Variants in EMC4 observed in about 807,000 individuals in gnomAD.
EMC4 encodes cell proliferation-inducing gene 17 protein.
A neutral mutation model predicts 24.2 loss-of-function variants in EMC4; 9 were observed. The ratio of observed to expected loss-of-function variants is 0.37; its 90% CI spans 0.22 to 0.65. The LOEUF (loss-of-function observed/expected upper bound fraction) is 0.65, where lower values mean the gene tolerates loss of function less well. Ranked by LOEUF, EMC4 falls within the 30% of genes least tolerant of loss-of-function variation. EMC4 has a pLI of 0.59. For missense variants in EMC4, 169 were observed against 234.6 expected (o/e 0.72, Z 1.83); for synonymous variants, 86 against 81.1 (o/e 1.06, Z -0.32).
intron 2 of EMC4, 43 bp from the exon 3 acceptor site, chr15:34,227,650 A>C (rs1335600553): frequency 6.3e-7 from 1 of 1,592,924 alleles, no homozygotes; most frequent in African/African-American, 1.3e-5. Context: ...ATGTGGGACT[A>C]AGGGTAGTGA....
chr15:34,228,658 T>A, intron 4 of EMC4, 69 bp downstream of exon 4: 1 of 1,189,978 alleles, frequency 8.4e-7, no homozygotes, highest in Non-Finnish European at 1.2e-6. Context: ...TACTTGATGG[T>A]AGGAAATTGG....
chr15:34,228,414 C>A lies in EMC4; in HGVS notation c.356-15C>A. ...AAGAGTTCTTTTGGTTTGACAACTT[C>A]TGTTACCGCAACAGCTTTCAAGATG... On this transcript the variant is annotated splice_polypyrimidine_tract_variant and intron_variant, in intron 3 of 4. Coordinates refer to ENST00000267750, the MANE Select transcript of EMC4 (RefSeq NM_016454.4). 6.2e-7 allele frequency: 1 copy of A among 1,611,672 alleles called. No individual in the cohort carries two copies. The highest frequency in any genetic ancestry group is 1.7e-4 in the Middle Eastern group (1 of 6,038).
At chr15:34,228,653 G>T (rs1422965086) in intron 4 of EMC4, 64 bp downstream of exon 4, 3 of 960,546 alleles carry the variant, frequency 3.1e-6, no homozygotes, top group Non-Finnish European at 4.5e-6. Context: ...TGACCTACTT[G>T]ATGGTAGGAA....
chr15:34,228,686 CTTTTTTTTT>C (rs71119951), intron 4 of EMC4, 97 bp downstream of exon 4: 37 of 300,946 alleles, frequency 1.2e-4, no homozygotes, highest in Non-Finnish European at 1.5e-4. Context: ...ATTTGAGTTT[CTTTTTTTTT>C]TTTTTTTTTT....
chr15:34,228,187 A>C (rs1890699686), intron 3 of EMC4: 1 of 511,912 alleles, frequency 2.0e-6, no homozygotes, highest in Admixed American at 3.4e-5. Context: ...CATCTCAAAA[A>C]AAAGGAAGAA....
rs188143342 is a variant in EMC4, at chr15:34,227,555, A to C, written c.202-138A>C. The C allele has an allele frequency of 2.0e-4, 163 of 816,884 alleles. No homozygotes were observed. In the Middle Eastern group the frequency reaches 3.8e-3, roughly 19 times the overall value. 50.6% of individuals were successfully genotyped at this position (816,884 alleles called of 1,614,324 possible). On this transcript the variant is annotated intron_variant, in intron 2 of 4. Transcript: ENST00000267750. ...CCTGTGGCAACGTGGAGAAGGGAAG[A>C]GGTCGTAGAATTGAGGAGTCAGCTC...
At position 34,227,705 on chromosome 15, in the gene EMC4, A is replaced by C; in HGVS notation, c.214A>C (p.Ile72Leu). ...RILVEKRCWDIALGPLKQIPM... is the reference protein window; with the variant it reads ...RILVEKRCWDLALGPLKQIPM... ...TGTTTTGTTTTAGCGCTGCTGGGAC[A>C]TCGCCTTGGGTCCCCTCAAACAGAT... is the stretch of plus-strand genomic sequence containing the variant. The change falls in exon 3 of 5, where the codon ATC (isoleucine) becomes CTC (leucine). Residue 72 changes from isoleucine (I) to leucine (L), a missense_variant. Ile to Leu is a conservative substitution (Grantham distance 5). Transcript: ENST00000267750. The C allele has an allele frequency of 6.2e-7, 1 of 1,613,984 alleles. No homozygotes were observed. Among genetic ancestry groups the C allele is most frequent in the Non-Finnish European group, 8.5e-7 (1 of 1,179,858 alleles).
chr15:34,226,313 A>T (rs1184077039), intron 2 of EMC4: 1 of 158,530 alleles, frequency 6.3e-6, no homozygotes, highest in African/African-American at 2.4e-5. Flanking sequence ...TCACTTCCAT[A>T]TATGCAAGAT....
chr15:34,226,252 T>C (rs770901735), intron 2 of EMC4: 45 of 167,158 alleles, frequency 2.7e-4, no homozygotes, highest in Non-Finnish European at 4.9e-4. Context: ...TAGAAACTTA[T>C]CCATTTCCTA....
chr15:34,228,244 G>T, intron 3 of EMC4, 185 bp from the exon 4 acceptor site: 1 of 614,480 alleles, frequency 1.6e-6, no homozygotes. Flanking sequence ...AGGTATATAG[G>T]GGAGTGGGGT....
rs1160451651 is a variant in EMC4 at position 34,227,704 on chromosome 15, C to T, written c.213C>T (p.Asp71=). The T allele has an allele frequency of 1.9e-6, 3 of 1,613,840 alleles. No homozygotes were observed. Among genetic ancestry groups the T allele is most frequent in the Admixed American group, 1.7e-5 (1 of 60,012 alleles). ...DRILVEKRCW[D]IALGPLKQIP... is the part of the protein sequence containing the mutation. ...GTGTTTTGTTTTAGCGCTGCTGGGA[C>T]ATCGCCTTGGGTCCCCTCAAACAGA... The change falls in exon 3 of 5, where the codon GAC becomes GAT. Residue 71 remains aspartate (D), a synonymous_variant. Coordinates refer to ENST00000267750, the MANE Select transcript of EMC4 (RefSeq NM_016454.4).
Position 34,225,598 on chromosome 15 carries a change from A to G in EMC4, c.149A>G (p.Lys50Arg). The G allele has an allele frequency of 1.2e-6, 2 of 1,614,224 alleles. No individual in the cohort carries two copies. Among genetic ancestry groups the G allele is most frequent in the East Asian group, 2.2e-5 (1 of 44,880 alleles). The change falls in exon 2 of 5, where the codon AAG (lysine) becomes AGG (arginine). Residue 50 changes from lysine (K) to arginine (R), a missense_variant. Coordinates refer to ENST00000267750, the MANE Select transcript of EMC4 (RefSeq NM_016454.4). Reference protein sequence around the residue: ...DSLYPVGYLDKQVPDTSVQET... With the variant: ...DSLYPVGYLDRQVPDTSVQET... Reference sequence around the variant, plus strand: ...CTCTACCCAGTCGGTTACTTGGACAAGCAAGTGCCTGATACCAGCGTGCAA... The same window carrying G: ...CTCTACCCAGTCGGTTACTTGGACAGGCAAGTGCCTGATACCAGCGTGCAA...
At chr15:34,227,023 T>C (rs1464942969) in intron 2 of EMC4, 1 of 149,978 alleles carries the variant, frequency 6.7e-6, no homozygotes, top group Non-Finnish European at 1.5e-5. Flanking sequence ...TCATTGTTAA[T>C]TCCCAAACAT....
At chr15:34,229,440 T>C in intron 4 of EMC4, 1 of 242,386 alleles carries the variant, frequency 4.1e-6, no homozygotes, top group Non-Finnish European at 8.0e-6. Flanking sequence ...ACCTCCGGGC[T>C]CAGGCACTCA....
chr15:34,229,955 T>A lies in EMC4; in HGVS notation c.*167T>A, dbSNP rs1890811741. 1.5e-6 allele frequency: 1 copy of A among 674,046 alleles called. No homozygotes were observed. Among genetic ancestry groups the A allele is most frequent in the Non-Finnish European group, 2.6e-6 (1 of 382,010 alleles). 41.8% of individuals were successfully genotyped at this position (674,046 alleles called of 1,614,324 possible). ...ACAGGTCCTAGAAGGACAATGTGCA[T>A]ATTACGACAAACACAAAGAAACTAT... On this transcript the variant is annotated 3_prime_UTR_variant, in exon 5 of 5. Transcript: ENST00000267750.
chr15:34,228,290 C>T, intron 3 of EMC4, 139 bp from the exon 4 acceptor site: 1 of 828,666 alleles, frequency 1.2e-6, no homozygotes, highest in Non-Finnish European at 1.9e-6. Context: ...TAGTGCTTAC[C>T]ATGGTTTTCT....
chr15:34,229,873 TAAAC>T lies in EMC4; in HGVS notation c.*86_*89del, dbSNP rs771095239. ...GCCCAGTGGCTCCTCAGCATACTCTTAAACTAATCACTTATGTTAAAAAGAACCA... is the reference window on the plus strand; with the variant it reads ...GCCCAGTGGCTCCTCAGCATACTCTTTAATCACTTATGTTAAAAAGAACCA... On this transcript the variant is annotated 3_prime_UTR_variant, in exon 5 of 5. Transcript: ENST00000267750. 1 of 1,242,056 alleles carries T rather than the reference TAAAC, an allele frequency of 8.1e-7. No individual in the cohort carries two copies. The allele number at this position is 1,242,056 out of a possible 1,614,324, so 76.9% of individuals were successfully genotyped here. A position where few individuals can be genotyped will look rare whatever the true frequency, so the allele number is the denominator to read the frequency against.
At position 34,228,138 on chromosome 15, in the gene EMC4, G is replaced by A. The variant is rs186682751; in HGVS notation, c.356-291G>A. ...GCAGAGGTTGCAGTGAGCCGAGATC[G>A]TGCCACTGCACTCCAGCCTGGGTGA... On this transcript the variant is annotated intron_variant, in intron 3 of 4. Transcript: ENST00000267750. 8.1e-4 allele frequency: 369 copies of A among 455,982 alleles called. 2 individuals are homozygous for A. The highest frequency in any genetic ancestry group is 3.7e-3 in the South Asian group (145 of 39,364). 28.2% of individuals were successfully genotyped at this position (455,982 alleles called of 1,614,324 possible).
chr15:34,229,419 C>T (rs1890768730), intron 4 of EMC4: 1 of 219,530 alleles, frequency 4.6e-6, no homozygotes, highest in African/African-American at 2.3e-5. Context: ...TCATGGCTCA[C>T]TGCAGCCTCA....
Sources: gnomAD v4.1 joint callset for allele counts on GRCh38, gnomAD v4.1.1 for gene constraint, MANE v1.5 for transcripts, NCBI Gene and HGNC (gene_info 2026-07-23, HGNC 2026-07-21) for gene names.